NRG3: variants seen among roughly 807,000 people sequenced by gnomAD.
The protein encoded by NRG3 is neuregulin 3, also known as pro-neuregulin-3, membrane-bound isoform.
A neutral mutation model predicts 66.9 loss-of-function variants in NRG3; 31 were observed. That is an observed-to-expected ratio of 0.46 (90% confidence interval 0.35 to 0.63). NRG3 has a LOEUF of 0.63. Among genes scored for constraint, NRG3 ranks in the 20% least tolerant of loss-of-function variants. NRG3 has a pLI of 0.00. For missense variants in NRG3, 910 were observed against 878.9 expected (o/e 1.04, Z -0.45); for synonymous variants, 393 against 359.4 (o/e 1.09, Z -1.06).
chr10:82,528,523 A>G (rs942308990), intron 2 of NRG3, among the ~76,000 whole-genome samples: 1 of 152,156 alleles, frequency 6.6e-6, no homozygotes, highest in Non-Finnish European at 1.5e-5. Flanking sequence ...GGTCTCCTCT[A>G]CTGTCAGGAG....
chr10:82,574,753 C>T (rs1038990151), intron 2 of NRG3, among the ~76,000 whole-genome samples: 1 of 151,542 alleles, frequency 6.6e-6, no homozygotes, highest in African/African-American at 2.4e-5. Context: ...ATTTTGATAC[C>T]ATAGATAAAC....
intron 3 of NRG3, among the ~76,000 whole-genome samples, chr10:82,770,541 G>A (rs983231271): frequency 1.3e-5 from 2 of 152,122 alleles, no homozygotes; most frequent in African/African-American, 4.8e-5. Flanking sequence ...GGGCTTCTCT[G>A]CCATGGCTGA....
At chr10:82,918,134 C>T (rs1285288726) in intron 4 of NRG3, among the ~76,000 whole-genome samples, 1 of 151,792 alleles carries the variant, frequency 6.6e-6, no homozygotes, top group Admixed American at 6.6e-5. Flanking sequence ...GCTCTAATCA[C>T]CAGTGACAGA....
chr10:82,698,364 G>T (rs559137892), intron 2 of NRG3, among the ~76,000 whole-genome samples: 1 of 152,156 alleles, frequency 6.6e-6, no homozygotes, highest in Admixed American at 6.6e-5. Context: ...AATTACACAA[G>T]ACGATATGAG....
intron 2 of NRG3, among the ~76,000 whole-genome samples, chr10:82,486,874 C>T (rs565873624): frequency 7.9e-5 from 12 of 151,954 alleles, no homozygotes; most frequent in East Asian, 5.8e-4. Flanking sequence ...CTAAATCAGC[C>T]GAACCCACAG....
At chr10:82,067,240 A>G (rs890190267) in intron 1 of NRG3, among the ~76,000 whole-genome samples, 9 of 152,212 alleles carry the variant, frequency 5.9e-5, no homozygotes, top group Non-Finnish European at 1.3e-4. Context: ...ATTGTAATTC[A>G]TGCTTTAGAA....
At chr10:81,892,501 A>C (rs1843114543) in intron 1 of NRG3, among the ~76,000 whole-genome samples, 1 of 152,122 alleles carries the variant, frequency 6.6e-6, no homozygotes, top group Non-Finnish European at 1.5e-5. Context: ...AGGGCTAAAA[A>C]ATGGTATTCC....
chr10:82,567,667 A>G lies in NRG3; in HGVS notation c.954-170910A>G, dbSNP rs545177183. 1.1e-4 allele frequency among the ~76,000 whole-genome samples: 16 copies of G among 152,068 alleles called. No individual in the cohort carries two copies. The South Asian group carries it at 1.9e-3, about 18-fold the overall frequency. ...TCATATGCAAGATATTTCTGTCTCT[A>G]TAAATGATCCTGTACTCCTTCTTGC... is the stretch of plus-strand genomic sequence containing the variant. On this transcript the variant is annotated intron_variant, in intron 2 of 8. Coordinates refer to ENST00000372141, the MANE Select transcript of NRG3 (RefSeq NM_001010848.4).
chr10:82,636,583 A>C (rs1299355337), intron 2 of NRG3, among the ~76,000 whole-genome samples: 1 of 152,204 alleles, frequency 6.6e-6, no homozygotes, highest in East Asian at 1.9e-4. Flanking sequence ...ATGTTGCAGC[A>C]AATGGCAGGA....
chr10:82,971,463 G>T (rs1247523922), intron 6 of NRG3, among the ~76,000 whole-genome samples: 8 of 135,930 alleles, frequency 5.9e-5, no homozygotes, highest in South Asian at 2.4e-4. Context: ...TTGATACAGA[G>T]TTTTACTCTC....
At chr10:82,200,927 T>C (rs147856045) in intron 1 of NRG3, among the ~76,000 whole-genome samples, 1 of 151,876 alleles carries the variant, frequency 6.6e-6, no homozygotes, top group African/African-American at 2.4e-5. Flanking sequence ...GCCGGGCACG[T>C]TGGCTCACAC....
At chr10:82,013,612 C>T (rs983767741) in intron 1 of NRG3, among the ~76,000 whole-genome samples, 30 of 151,968 alleles carry the variant, frequency 2.0e-4, no homozygotes, top group South Asian at 4.2e-4. Context: ...AGAAATTCAA[C>T]GTCGTATGTT....
rs116905379 is a variant in NRG3 at position 82,370,354 on chromosome 10, C to T, written c.953+11486C>T. Among the ~76,000 whole-genome samples, 272 of 137,842 alleles carry T rather than the reference C, an allele frequency of 2.0e-3. 36 individuals are homozygous for T. In the East Asian group the frequency reaches 0.033, roughly 17 times the overall value. The allele number at this position is 137,842 out of a possible 152,430, so 90.4% of individuals were successfully genotyped here. On this transcript the variant is annotated intron_variant, in intron 2 of 8. Coordinates refer to ENST00000372141, the MANE Select transcript of NRG3 (RefSeq NM_001010848.4). ...AGTGGCCAGCCTCCTCCAGTCACCC[C>T]CTGCTGAACTCCCCTCAGCATCCAG...
At chr10:82,150,918 A>C (rs776792453) in intron 1 of NRG3, among the ~76,000 whole-genome samples, 1 of 152,236 alleles carries the variant, frequency 6.6e-6, no homozygotes, top group Non-Finnish European at 1.5e-5. Flanking sequence ...CTTGTGCTGT[A>C]AAGTAGTTCT....
At chr10:82,927,712 A>G (rs879371617) in intron 4 of NRG3, among the ~76,000 whole-genome samples, 12 of 152,164 alleles carry the variant, frequency 7.9e-5, no homozygotes, top group Admixed American at 7.9e-4. Context: ...CACAGTGTAT[A>G]TGTGCCACAT....
chr10:82,700,122 G>A (rs551402052), intron 2 of NRG3, among the ~76,000 whole-genome samples: 53 of 152,184 alleles, frequency 3.5e-4, no homozygotes, highest in Admixed American at 5.2e-4. Context: ...TACTTTCAGC[G>A]CTTGACAGAC....
chr10:82,822,542 T>C lies in NRG3; in HGVS notation c.1028-42869T>C, dbSNP rs558808373. Among the ~76,000 whole-genome samples, 190 of 152,220 alleles carry C rather than the reference T, an allele frequency of 1.2e-3. 1 individual carries two copies. The highest frequency in any genetic ancestry group is 4.5e-3 in the African/African-American group (186 of 41,542). On this transcript the variant is annotated intron_variant, in intron 3 of 8. Transcript: ENST00000372141. ...CTCTACACAATTGTTCTGAAGGTGA[T>C]TGCAGGTGTGATTTCTAGAGGTGGC...
At chr10:82,609,771 A>G (rs1389599866) in intron 2 of NRG3, among the ~76,000 whole-genome samples, 1 of 152,238 alleles carries the variant, frequency 6.6e-6, no homozygotes, top group Non-Finnish European at 1.5e-5. Flanking sequence ...GTAAATTTAG[A>G]AAAGGTCAAA....
intron 3 of NRG3, among the ~76,000 whole-genome samples, chr10:82,810,766 G>A (rs12246052): frequency 0.081 from 11,994 of 148,976 alleles, 541 homozygotes; most frequent in Middle Eastern, 0.13. Context: ...AAGAAGAAGC[G>A]ACTGCAATAG....
Sources: gnomAD v4.1 joint callset for allele counts (sites outside exome capture counted in the v4.1 genomes callset) on GRCh38, gnomAD v4.1.1 for gene constraint, MANE v1.5 for transcripts, NCBI Gene and HGNC (gene_info 2026-07-23, HGNC 2026-07-21) for gene names.